The following IMMP2L variants were observed in gnomAD, a reference collection of about 807,000 sequenced individuals.
IMMP2L encodes mitochondrial inner membrane protease subunit 2.
In IMMP2L, 18 loss-of-function variants were observed where a neutral mutation model predicts 19.3. The ratio of observed to expected loss-of-function variants is 0.93; its 90% CI spans 0.64 to 1.38. The LOEUF (loss-of-function observed/expected upper bound fraction) is 1.38. Ranked by LOEUF, IMMP2L falls within the 40% of genes most tolerant of loss-of-function variation. IMMP2L has a pLI of 0.00. For synonymous variants in IMMP2L, 76 were observed against 73.0 expected (o/e 1.04, Z -0.21); for missense variants, 233 against 218.2 (o/e 1.07, Z -0.43).
chr7:110,970,831 C>G (rs897772318), intron 3 of IMMP2L, among the ~76,000 whole-genome samples: 1 of 152,094 alleles, frequency 6.6e-6, no homozygotes, highest in African/African-American at 2.4e-5. Context: ...ACAAAATTAA[C>G]TGCTCTTCCA....
intron 5 of IMMP2L, among the ~76,000 whole-genome samples, chr7:110,831,593 G>T (rs112318546): frequency 2.6e-5 from 4 of 152,220 alleles, no homozygotes; most frequent in Non-Finnish European, 5.9e-5. Flanking sequence ...TGGTAAATAA[G>T]ATCTCATTTG....
chr7:110,827,991 T>C (rs1042187482), intron 5 of IMMP2L, among the ~76,000 whole-genome samples: 2 of 152,130 alleles, frequency 1.3e-5, no homozygotes, highest in African/African-American at 4.8e-5. Context: ...AGCCATGCAG[T>C]TTCTTCTAAA....
chr7:110,772,644 C>A (rs1799112685), intron 5 of IMMP2L, among the ~76,000 whole-genome samples: 1 of 152,092 alleles, frequency 6.6e-6, no homozygotes, highest in Non-Finnish European at 1.5e-5. Flanking sequence ...GGCTCTTGTT[C>A]AGAAATTATG....
At chr7:111,441,864 C>T (rs1585112383) in intron 3 of IMMP2L, among the ~76,000 whole-genome samples, 1 of 151,876 alleles carries the variant, frequency 6.6e-6, no homozygotes, top group East Asian at 1.9e-4. Flanking sequence ...GTAGTCCGGG[C>T]ACTGTGGCTC....
At chr7:110,734,146 AG>A (rs1796460823) in intron 5 of IMMP2L, among the ~76,000 whole-genome samples, 1 of 152,184 alleles carries the variant, frequency 6.6e-6, no homozygotes, top group Non-Finnish European at 1.5e-5. Flanking sequence ...CCATGAACAG[AG>A]GGGCATTGAG....
intron 5 of IMMP2L, among the ~76,000 whole-genome samples, chr7:110,833,035 A>C (rs1309064358): frequency 6.6e-6 from 1 of 152,192 alleles, no homozygotes; most frequent in Non-Finnish European, 1.5e-5. Context: ...ATAAGATGTA[A>C]TTAATTGTCA....
rs1410518242 is a variant in IMMP2L, at chr7:111,118,804, T to A, written c.240-155239A>T. Among the ~76,000 whole-genome samples the A allele has an allele frequency of 3.3e-5, 5 of 152,232 alleles. No individual in the cohort carries two copies. In the East Asian group the frequency reaches 9.6e-4, roughly 29 times the overall value. The stretch of plus-strand genomic sequence containing the variant: ...AAACGATAAATTTCTATATTCTCTA[T>A]TGTGTTTCCCATACTATTGCTTCCT... On this transcript the variant is annotated intron_variant, in intron 3 of 5. Coordinates refer to ENST00000405709, the MANE Select transcript of IMMP2L (RefSeq NM_032549.4).
chr7:111,230,348 G>A (rs1813581285), intron 3 of IMMP2L, among the ~76,000 whole-genome samples: 1 of 151,924 alleles, frequency 6.6e-6, no homozygotes, highest in African/African-American at 2.4e-5. Flanking sequence ...CACTAGCAAG[G>A]TCTTCCATAC....
intron 3 of IMMP2L, among the ~76,000 whole-genome samples, chr7:111,389,134 A>G (rs771878488): frequency 5.3e-5 from 8 of 152,170 alleles, no homozygotes; most frequent in Admixed American, 2.0e-4. Flanking sequence ...AACTGAGAAC[A>G]TAGCATCGCT....
chr7:111,251,201 C>A (rs2129632154), intron 3 of IMMP2L, among the ~76,000 whole-genome samples: 1 of 152,230 alleles, frequency 6.6e-6, no homozygotes, highest in Admixed American at 6.5e-5. Context: ...CAATGAGATA[C>A]CATCTTACTC....
intron 3 of IMMP2L, among the ~76,000 whole-genome samples, chr7:111,448,399 G>A (rs1838751892): frequency 6.6e-6 from 1 of 151,854 alleles, no homozygotes; most frequent in Non-Finnish European, 1.5e-5. Context: ...TCAGGATTAA[G>A]AACCTCACTA....
At chr7:111,045,421 A>T (rs1010870809) in intron 3 of IMMP2L, among the ~76,000 whole-genome samples, 1 of 152,188 alleles carries the variant, frequency 6.6e-6, no homozygotes, top group African/African-American at 2.4e-5. Flanking sequence ...TATTCCCTAC[A>T]TAGTAACCAG....
rs1232111491 is a variant in IMMP2L, at chr7:111,445,978, C to T, written c.239+41260G>A. Among the ~76,000 whole-genome samples the T allele has an allele frequency of 3.3e-5, 5 of 151,988 alleles. No individual in the cohort carries two copies. In the East Asian group the frequency reaches 5.8e-4, roughly 18 times the overall value. On this transcript the variant is annotated intron_variant, in intron 3 of 5. Transcript: ENST00000405709. ...CCTGGAAAATCGGGTCACTCCCACC[C>T]GAATATTGCGCTTTTCAGACCGGCT...
chr7:111,505,318 G>A (rs1290735910), intron 2 of IMMP2L, among the ~76,000 whole-genome samples: 2 of 150,884 alleles, frequency 1.3e-5, no homozygotes, highest in Non-Finnish European at 3.0e-5. Flanking sequence ...AAAAAGTCAG[G>A]AAACAACAGG....
At chr7:111,493,083 T>C (rs1240788012) in intron 2 of IMMP2L, among the ~76,000 whole-genome samples, 2 of 152,162 alleles carry the variant, frequency 1.3e-5, no homozygotes, top group African/African-American at 4.8e-5. Flanking sequence ...TTAAATCAGA[T>C]AGTTTCTAGA....
At chr7:111,343,320 T>A (rs539987497) in intron 3 of IMMP2L, among the ~76,000 whole-genome samples, 1 of 152,204 alleles carries the variant, frequency 6.6e-6, no homozygotes, top group South Asian at 2.1e-4. Context: ...TGACTTTTCC[T>A]TTCTCTAGTC....
intron 2 of IMMP2L, among the ~76,000 whole-genome samples, chr7:111,511,046 C>A (rs1845391855): frequency 6.6e-6 from 1 of 152,110 alleles, no homozygotes; most frequent in African/African-American, 2.4e-5. Flanking sequence ...AATGGCACTT[C>A]ACTTCCTCCC....
intron 3 of IMMP2L, among the ~76,000 whole-genome samples, chr7:111,249,051 A>C (rs1815719450): frequency 3.1e-5 from 1 of 32,386 alleles, no homozygotes; most frequent in Non-Finnish European, 5.6e-5. Flanking sequence ...GGCTCCACCC[A>C]GTTCGAGCTT....
chr7:111,105,737 A>C (rs214885), intron 3 of IMMP2L, among the ~76,000 whole-genome samples: 136,590 of 151,702 alleles, frequency 0.9, 61,561 homozygotes, highest in East Asian at 0.93. Flanking sequence ...ATGTGTACTA[A>C]CAATTTATGC....
Sources: allele counts gnomAD v4.1 joint callset (sites outside exome capture counted in the v4.1 genomes callset), GRCh38; gene constraint gnomAD v4.1.1; transcripts MANE v1.5; gene names NCBI Gene and HGNC (gene_info 2026-07-23, HGNC 2026-07-21).